Variants in ACER3 observed in about 807,000 individuals in gnomAD.
The protein encoded by ACER3 is alkaline ceramidase 3.
Under a neutral mutation model 48.9 loss-of-function variants are expected in ACER3, and 16 were observed. The ratio of observed to expected loss-of-function variants is 0.33; its 90% CI spans 0.22 to 0.50. The LOEUF is 0.50. ACER3 is among the 20% of genes least tolerant of loss of function. ACER3 has a pLI of 0.98. For synonymous variants in ACER3, 109 were observed against 107.8 expected, an observed-to-expected ratio of 1.01 and a Z score of -0.07; for missense variants, 227 against 326.0, an observed-to-expected ratio of 0.70 and a Z score of 2.34.
intron 2 of ACER3, among the ~76,000 whole-genome samples, chr11:76,949,439 A>G (rs1947575128): frequency 6.6e-6 from 1 of 152,220 alleles, no homozygotes; most frequent in South Asian, 2.1e-4. Context: ...GCTCTTCATC[A>G]TGATGAAATG....
chr11:76,914,709 G>A (rs1312670914), intron 1 of ACER3, among the ~76,000 whole-genome samples: 1 of 152,128 alleles, frequency 6.6e-6, no homozygotes, highest in East Asian at 1.9e-4. Context: ...TATACTCAAA[G>A]GATTATAAAT....
intron 10 of ACER3, 124 bp from the exon 11 acceptor site, chr11:77,020,150 C>T (rs1303829426): frequency 4.3e-6 from 4 of 922,120 alleles, no homozygotes; most frequent in Non-Finnish European, 6.7e-6. Context: ...GCTGCTAATA[C>T]CAGGACAATC....
chr11:76,890,201 C>T (rs117252619), intron 1 of ACER3, among the ~76,000 whole-genome samples: 1 of 152,246 alleles, frequency 6.6e-6, no homozygotes, highest in Non-Finnish European at 1.5e-5. Context: ...GTACATGAGA[C>T]TCTCAATAAA....
intron 1 of ACER3, among the ~76,000 whole-genome samples, chr11:76,872,120 A>C (rs541864525): frequency 6.9e-6 from 1 of 143,966 alleles, no homozygotes; most frequent in East Asian, 2.1e-4. Context: ...TCTGTCGCGG[A>C]GGCTGGAGTG....
intron 1 of ACER3, among the ~76,000 whole-genome samples, chr11:76,878,072 T>G (rs2134562085): frequency 6.6e-6 from 1 of 152,232 alleles, no homozygotes; most frequent in East Asian, 1.9e-4. Flanking sequence ...TTATCCATTC[T>G]TTAATCATTG....
intron 2 of ACER3, among the ~76,000 whole-genome samples, chr11:76,942,031 T>A (rs1947354096): frequency 6.6e-6 from 1 of 152,258 alleles, no homozygotes; most frequent in African/African-American, 2.4e-5. Context: ...CCTGAAACTT[T>A]ACTGAATTCA....
chr11:76,981,754 G>T (rs1948589164), intron 4 of ACER3, among the ~76,000 whole-genome samples: 1 of 152,152 alleles, frequency 6.6e-6, no homozygotes, highest in African/African-American at 2.4e-5. Flanking sequence ...TATATCATTA[G>T]TAGTATTCCA....
Position 76,899,382 on chromosome 11 carries a change from A to G in ACER3, c.104-27175A>G, listed in dbSNP as rs116928021. ...ATTTTATTAGTTTTTCAGCAGTGTA[A>G]TAGTTATATTGCATGCTTTTTGTTG... On this transcript the variant is annotated intron_variant, in intron 1 of 10. Coordinates refer to ENST00000532485, the MANE Select transcript of ACER3 (RefSeq NM_018367.7). Among the ~76,000 whole-genome samples, 18 of 152,326 alleles carry G rather than the reference A, an allele frequency of 1.2e-4. No individual in the cohort carries two copies. The East Asian group carries it at 3.5e-3, about 29-fold the overall frequency.
At chr11:76,925,021 A>G (rs546660615) in intron 1 of ACER3, among the ~76,000 whole-genome samples, 4 of 151,544 alleles carry the variant, frequency 2.6e-5, no homozygotes, top group South Asian at 4.2e-4. Flanking sequence ...CAGCAAATAC[A>G]TAGGGTTAAT....
At chr11:76,924,180 A>T (rs1246750069) in intron 1 of ACER3, among the ~76,000 whole-genome samples, 1 of 151,946 alleles carries the variant, frequency 6.6e-6, no homozygotes, top group African/African-American at 2.4e-5. Context: ...GTTTCTCGGG[A>T]ATCATTGCCT....
chr11:76,904,950 C>T (rs1209324906), intron 1 of ACER3, among the ~76,000 whole-genome samples: 1 of 152,084 alleles, frequency 6.6e-6, no homozygotes, highest in African/African-American at 2.4e-5. Context: ...CCTCCTGGTT[C>T]AAGTGATTTT....
At chr11:76,969,957 TAA>T (rs35822676) in intron 3 of ACER3, among the ~76,000 whole-genome samples, 1 of 149,112 alleles carries the variant, frequency 6.7e-6, no homozygotes, top group Non-Finnish European at 1.5e-5. Flanking sequence ...ATAATAAAAT[TAA>T]AAAAAAAAGA....
At chr11:76,960,220 C>A (rs911057636) in intron 3 of ACER3, among the ~76,000 whole-genome samples, 5 of 151,946 alleles carry the variant, frequency 3.3e-5, no homozygotes, top group African/African-American at 1.2e-4. Context: ...ACCATCCTGG[C>A]CAACATGTGG....
chr11:76,981,988 T>A (rs1277604757), intron 4 of ACER3, among the ~76,000 whole-genome samples: 1 of 152,178 alleles, frequency 6.6e-6, no homozygotes, highest in Non-Finnish European at 1.5e-5. Context: ...CACCTTATTA[T>A]TGTTCTACTG....
chr11:76,937,696 C>T (rs1947227185), intron 2 of ACER3, among the ~76,000 whole-genome samples: 1 of 151,978 alleles, frequency 6.6e-6, no homozygotes, highest in Admixed American at 6.6e-5. Flanking sequence ...ATGAAACTGT[C>T]TACTGCAGGG....
chr11:76,900,532 C>T (rs920191930), intron 1 of ACER3, among the ~76,000 whole-genome samples: 1 of 151,986 alleles, frequency 6.6e-6, no homozygotes, highest in Admixed American at 6.6e-5. Flanking sequence ...TAATAGGAAC[C>T]CTTCTGGCCA....
At chr11:76,991,089 T>C (rs1218351562) in intron 6 of ACER3, among the ~76,000 whole-genome samples, 1 of 152,194 alleles carries the variant, frequency 6.6e-6, no homozygotes, top group African/African-American at 2.4e-5. Context: ...TGTTGCCATG[T>C]GCCTGGTACT....
intron 2 of ACER3, among the ~76,000 whole-genome samples, chr11:76,934,288 C>T (rs1256441300): frequency 2.6e-5 from 4 of 152,308 alleles, no homozygotes; most frequent in Admixed American, 1.3e-4. Context: ...GACGGGGTGG[C>T]GGCCGGGCAG....
chr11:76,982,856 T>C (rs1282032880), intron 4 of ACER3, among the ~76,000 whole-genome samples: 1 of 152,200 alleles, frequency 6.6e-6, no homozygotes, highest in East Asian at 1.9e-4. Context: ...ATGTTTTCCT[T>C]ACCAGTATCT....
Sources: gnomAD v4.1 joint callset for allele counts (sites outside exome capture counted in the v4.1 genomes callset) on GRCh38, gnomAD v4.1.1 for gene constraint, MANE v1.5 for transcripts, NCBI Gene and HGNC (gene_info 2026-07-23, HGNC 2026-07-21) for gene names.